PACRG: variants seen among roughly 807,000 people sequenced by gnomAD.
The protein encoded by PACRG is parkin coregulated gene protein.
In PACRG, 29 loss-of-function variants were observed where a neutral mutation model predicts 29.7. The observed-to-expected ratio is 0.98, with a 90% confidence interval of 0.73 to 1.33. The LOEUF (loss-of-function observed/expected upper bound fraction) is 1.33. Among genes scored for constraint, PACRG ranks in the 40% most tolerant of loss-of-function variants. The pLI is 0.00. For missense variants in PACRG, 279 were observed against 316.2 expected (o/e 0.88, Z 0.89); for synonymous variants, 116 against 118.7 (o/e 0.98, Z 0.15).
chr6:163,036,465 A>G (rs1808198364), intron 2 of PACRG, among the ~76,000 whole-genome samples: 1 of 152,192 alleles, frequency 6.6e-6, no homozygotes, highest in Admixed American at 6.5e-5. Flanking sequence ...ACATTTCATG[A>G]ATTGAAAGTG....
intron 2 of PACRG, among the ~76,000 whole-genome samples, chr6:162,824,598 T>A (rs1788123221): frequency 6.6e-6 from 1 of 152,200 alleles, no homozygotes; most frequent in African/African-American, 2.4e-5. Context: ...AAGATGCTAT[T>A]TAAAAACACT....
At chr6:163,195,061 G>A (rs893653503) in intron 4 of PACRG, among the ~76,000 whole-genome samples, 1 of 152,088 alleles carries the variant, frequency 6.6e-6, no homozygotes, top group Non-Finnish European at 1.5e-5. Context: ...ATCTGGAGTC[G>A]ATGGTAGAGG....
chr6:163,272,201 G>A (rs1783856989), intron 4 of PACRG, among the ~76,000 whole-genome samples: 1 of 152,016 alleles, frequency 6.6e-6, no homozygotes, highest in Non-Finnish European at 1.5e-5. Flanking sequence ...ACCATGCCCA[G>A]CTAATTTTTG....
chr6:162,975,383 AG>A (rs1801864614), intron 2 of PACRG, among the ~76,000 whole-genome samples: 1 of 152,234 alleles, frequency 6.6e-6, no homozygotes, highest in Non-Finnish European at 1.5e-5. Flanking sequence ...TTAAAATACA[AG>A]ATAGTATTGC....
At chr6:163,079,832 A>G (rs539798167) in intron 3 of PACRG, among the ~76,000 whole-genome samples, 1 of 150,746 alleles carries the variant, frequency 6.6e-6, no homozygotes, top group South Asian at 2.1e-4. Context: ...CTACTGTCTA[A>G]ACCCTGTGGA....
At position 162,995,747 on chromosome 6, in the gene PACRG, G is replaced by A. The variant is rs568979674; in HGVS notation, c.292-66403G>A. Among the ~76,000 whole-genome samples, 20 of 152,264 alleles carry A rather than the reference G, an allele frequency of 1.3e-4. No homozygotes were observed. The South Asian group carries it at 2.7e-3, about 21-fold the overall frequency. On this transcript the variant is annotated intron_variant, in intron 2 of 4. Transcript: ENST00000366888. The stretch of plus-strand genomic sequence containing the variant: ...CTGTAGACCGGAGCTGTTCCTATTC[G>A]GCCATCTTGGCTCCTAGTACTTCCT...
At chr6:163,313,469 G>A (rs1403368123) in intron 4 of PACRG, among the ~76,000 whole-genome samples, 1 of 152,162 alleles carries the variant, frequency 6.6e-6, no homozygotes, top group Non-Finnish European at 1.5e-5. Context: ...TCCCTGTGCT[G>A]TGTAGGATTG....
intron 2 of PACRG, among the ~76,000 whole-genome samples, chr6:162,888,072 G>A (rs1584664843): frequency 6.6e-6 from 1 of 152,104 alleles, no homozygotes; most frequent in African/African-American, 2.4e-5. Context: ...TGAACGTCGT[G>A]TCCTCATATG....
In PACRG at chr6:163,070,771, TA is replaced by T. The variant is rs201411698; in HGVS notation, c.463+8462del. On this transcript the variant is annotated intron_variant, in intron 3 of 4. Coordinates refer to ENST00000366888, the MANE Select transcript of PACRG (RefSeq NM_001080379.2). Reference sequence around the variant, plus strand: ...AAGGCACAGAGTAGCTGAATTGATTTAAAAAAAAAAAAGACCTAATGATCTG... The same window carrying T: ...AAGGCACAGAGTAGCTGAATTGATTTAAAAAAAAAAAGACCTAATGATCTG... Among the ~76,000 whole-genome samples, 493 of 141,532 alleles carry T rather than the reference TA, an allele frequency of 3.5e-3. 3 individuals are homozygous for T. Among genetic ancestry groups the T allele is most frequent in the East Asian group, 0.019 (94 of 4,972 alleles). The allele number at this position is 141,532 out of a possible 152,430, so 92.9% of individuals were successfully genotyped here. A position where few individuals can be genotyped will look rare whatever the true frequency, so the allele number is the denominator to read the frequency against.
At chr6:163,099,799 T>TAAA (rs1457319087) in intron 4 of PACRG, among the ~76,000 whole-genome samples, 4 of 152,172 alleles carry the variant, frequency 2.6e-5, no homozygotes, top group Non-Finnish European at 5.9e-5. Flanking sequence ...GAGGAGCCTT[T>TAAA]CCGTGCCACT....
intron 4 of PACRG, among the ~76,000 whole-genome samples, chr6:163,247,378 A>G (rs1289039420): frequency 6.6e-6 from 1 of 152,188 alleles, no homozygotes; most frequent in Non-Finnish European, 1.5e-5. Flanking sequence ...CTCCCTTAGA[A>G]AAATAGGTAT....
At chr6:163,180,428 T>C (rs1349563372) in intron 4 of PACRG, among the ~76,000 whole-genome samples, 2 of 152,060 alleles carry the variant, frequency 1.3e-5, no homozygotes, top group African/African-American at 4.8e-5. Flanking sequence ...TAGATTATCA[T>C]ACACCTATAA....
chr6:163,183,824 G>A (rs867417409), intron 4 of PACRG, among the ~76,000 whole-genome samples: 3 of 152,164 alleles, frequency 2.0e-5, no homozygotes, highest in Non-Finnish European at 2.9e-5. Context: ...TAACTGTAAC[G>A]AAACTGTAGG....
intron 2 of PACRG, among the ~76,000 whole-genome samples, chr6:162,963,334 T>G (rs6919184): frequency 0.16 from 23,705 of 152,042 alleles, 3,250 homozygotes; most frequent in African/African-American, 0.36. Context: ...ATATCAAAGT[T>G]TGGGATTTCT....
chr6:163,036,857 TATCCATCCATCCATCCATCCATCCATCC>T (rs71008132), intron 2 of PACRG, among the ~76,000 whole-genome samples: 8 of 148,866 alleles, frequency 5.4e-5, no homozygotes, highest in South Asian at 2.2e-4. Flanking sequence ...TCCATCCAGC[TATCCATCCATCCATCCATCCATCCATCC>T]ATCCATCCAT....
intron 4 of PACRG, among the ~76,000 whole-genome samples, chr6:163,218,325 T>G (rs1037477842): frequency 6.6e-6 from 1 of 152,220 alleles, no homozygotes; most frequent in Admixed American, 6.5e-5. Flanking sequence ...CTCTGTTATC[T>G]ACCCAAGAAG....
chr6:163,126,239 G>A (rs572657868), intron 4 of PACRG, among the ~76,000 whole-genome samples: 3 of 152,248 alleles, frequency 2.0e-5, no homozygotes, highest in South Asian at 2.1e-4. Flanking sequence ...ATACAATGGC[G>A]TTCAATTTCA....
chr6:163,202,905 G>A (rs1297210122), intron 4 of PACRG, among the ~76,000 whole-genome samples: 2 of 152,252 alleles, frequency 1.3e-5, no homozygotes, highest in East Asian at 3.9e-4. Context: ...ATCTCTGGGT[G>A]CCTTTTCATC....
chr6:163,285,947 C>T (rs1784389303), intron 4 of PACRG, among the ~76,000 whole-genome samples: 1 of 152,170 alleles, frequency 6.6e-6, no homozygotes, highest in Non-Finnish European at 1.5e-5. Context: ...ATGACAGAGG[C>T]TCCTTGTCTT....
Sources: allele counts gnomAD v4.1 joint callset (sites outside exome capture counted in the v4.1 genomes callset), GRCh38; gene constraint gnomAD v4.1.1; transcripts MANE v1.5; gene names NCBI Gene and HGNC (gene_info 2026-07-23, HGNC 2026-07-21).